The following PDCD6IP variants were observed in gnomAD, a reference collection of about 807,000 sequenced individuals.
The protein encoded by PDCD6IP is programmed cell death 6 interacting protein.
In PDCD6IP, 43 loss-of-function variants were observed where a neutral mutation model predicts 103.7. The observed-to-expected ratio is 0.41, with a 90% CI of 0.32 to 0.53. The LOEUF (loss-of-function observed/expected upper bound fraction) is 0.53, where lower values mean the gene tolerates loss of function less well. Ranked by LOEUF, PDCD6IP falls within the 20% of genes least tolerant of loss-of-function variation. PDCD6IP has a pLI of 0.16. For synonymous variants in PDCD6IP, 354 were observed against 378.7 expected, an observed-to-expected ratio of 0.93 and a Z score of 0.76; for missense variants, 871 against 1,036.7, an observed-to-expected ratio of 0.84 and a Z score of 2.20.
At chr3:33,799,091 G>C in intron 1 of PDCD6IP, 154 bp downstream of exon 1, 1 of 742,890 alleles carries the variant, frequency 1.3e-6, no homozygotes, top group South Asian at 1.9e-5. Context: ...TTCTTTGCTG[G>C]TGAGCAGGAC....
In PDCD6IP at chr3:33,813,267, G is replaced by T. The variant is rs1489181940; in HGVS notation, c.265-292G>T. 1.8e-5 allele frequency: 4 copies of T among 222,580 alleles called. No homozygotes were observed. In the East Asian group the frequency reaches 3.7e-4, roughly 21 times the overall value. 13.8% of individuals were successfully genotyped at this position (222,580 alleles called of 1,614,324 possible). On this transcript the variant is annotated intron_variant, in intron 2 of 17. Coordinates refer to ENST00000307296, the MANE Select transcript of PDCD6IP (RefSeq NM_013374.6). ...TGCTTCACTTAGCTTATTTGACAAG[G>T]ATCTACTACTTATTTTGTTCCGTTG...
At position 33,822,064 on chromosome 3, in the gene PDCD6IP, C is replaced by T. The variant is rs112654570; in HGVS notation, c.444C>T (p.Ile148=). ...QNLDNDEGLK[I]AAKHYQFASG... ...TGGATAATGATGAAGGATTGAAAAT[C>T]GCTGCTAAACATTACCAGGTATGCT... The change falls in exon 4 of 18, where the codon ATC becomes ATT. Residue 148 remains isoleucine (I), a synonymous_variant. Transcript: ENST00000307296. 533 of 1,613,982 alleles carry T rather than the reference C, an allele frequency of 3.3e-4. 4 individuals are homozygous for T. In the Admixed American group the frequency reaches 6.6e-3, roughly 20 times the overall value.
rs547723100 is a variant in PDCD6IP at position 33,867,607 on chromosome 3, A to G, written c.*1082A>G. ...AAACAATGGTTGGGAACATATGCCAATTATGGAATAGGCTATGTATTTAAT... is the reference window on the plus strand; with the variant it reads ...AAACAATGGTTGGGAACATATGCCAGTTATGGAATAGGCTATGTATTTAAT... On this transcript the variant is annotated 3_prime_UTR_variant, in exon 18 of 18. Coordinates refer to ENST00000307296, the MANE Select transcript of PDCD6IP (RefSeq NM_013374.6). 2.6e-5 allele frequency: 4 copies of G among 152,328 alleles called. No individual in the cohort carries two copies. Among genetic ancestry groups the G allele is most frequent in the Admixed American group, 6.5e-5 (1 of 15,306 alleles). The allele number at this position is 152,328 out of a possible 1,614,324, so 9.4% of individuals were successfully genotyped here.
intron 13 of PDCD6IP, 42 bp downstream of exon 13, chr3:33,852,778 A>C (rs771861358): frequency 6.5e-7 from 1 of 1,537,588 alleles, no homozygotes; most frequent in Non-Finnish European, 8.7e-7. Context: ...TTTAAAAATT[A>C]CAGAAAAGAT....
intron 12 of PDCD6IP, 127 bp downstream of exon 12, chr3:33,845,715 T>TA (rs1697578485): frequency 1.5e-6 from 1 of 668,740 alleles, no homozygotes; most frequent in African/African-American, 1.8e-5. Context: ...TTGGGGTTGT[T>TA]ATATTTAAAG....
intron 3 of PDCD6IP, among the ~76,000 whole-genome samples, chr3:33,814,144 C>CT (rs79094226): frequency 0.013 from 1,792 of 136,220 alleles, 31 homozygotes; most frequent in African/African-American, 0.041. Context: ...TCATTGGATT[C>CT]TTTTTTTTTT....
At position 33,857,106 on chromosome 3, in the gene PDCD6IP, G is replaced by A. The variant is rs565204211; in HGVS notation, c.2120+1846G>A. 3.4e-4 allele frequency among the ~76,000 whole-genome samples: 51 copies of A among 152,082 alleles called. No homozygotes were observed. The South Asian group carries it at 0.01, about 31-fold the overall frequency. On this transcript the variant is annotated intron_variant, in intron 15 of 17. Coordinates refer to ENST00000307296, the MANE Select transcript of PDCD6IP (RefSeq NM_013374.6). ...ACCTCTAACAAAGAGCAGGTTAGTT[G>A]TTTTTAGAATATTTCTACTAAACCT...
At chr3:33,829,852 G>A (rs1301467128) in intron 7 of PDCD6IP, among the ~76,000 whole-genome samples, 2 of 152,142 alleles carry the variant, frequency 1.3e-5, no homozygotes, top group East Asian at 3.8e-4. Flanking sequence ...GAATATCAAG[G>A]TGCTGGCATC....
At chr3:33,804,964 G>A (rs904163796) in intron 1 of PDCD6IP, among the ~76,000 whole-genome samples, 3 of 152,202 alleles carry the variant, frequency 2.0e-5, no homozygotes, top group African/African-American at 7.2e-5. Context: ...CCTAAATACA[G>A]ATTGCAGCTG....
At chr3:33,859,482 C>G (rs1697902957) in intron 15 of PDCD6IP, among the ~76,000 whole-genome samples, 1 of 140,562 alleles carries the variant, frequency 7.1e-6, no homozygotes, top group Non-Finnish European at 1.5e-5. Context: ...AAAAGAACTC[C>G]TAGAAGTGAA....
At chr3:33,804,237 G>A (rs1466257326) in intron 1 of PDCD6IP, among the ~76,000 whole-genome samples, 3 of 152,280 alleles carry the variant, frequency 2.0e-5, no homozygotes, top group Middle Eastern at 3.4e-3. Context: ...AGCACATCCC[G>A]CCTGCAGCTT....
At chr3:33,850,030 G>A (rs557319149) in intron 12 of PDCD6IP, among the ~76,000 whole-genome samples, 30 of 152,156 alleles carry the variant, frequency 2.0e-4, no homozygotes, top group Admixed American at 8.5e-4. Flanking sequence ...TACCATGGAA[G>A]TTGTGGTTAG....
Position 33,838,208 on chromosome 3 carries a change from G to T in PDCD6IP, c.1062G>T (p.Leu354=). 6.2e-7 allele frequency: 1 copy of T among 1,613,206 alleles called. No individual in the cohort carries two copies. Among genetic ancestry groups the T allele is most frequent in the Non-Finnish European group, 8.5e-7 (1 of 1,179,640 alleles). The part of the protein sequence containing the change: ...NVPISQKFTD[L]FEKMVPVSVQ... ...AATTTCTCTTCCTAATTTTAGATCTGTTTGAGAAGATGGTTCCCGTGTCAG... is the reference window on the plus strand; with the variant it reads ...AATTTCTCTTCCTAATTTTAGATCTTTTTGAGAAGATGGTTCCCGTGTCAG... Residue 354 remains leucine, a synonymous_variant, in exon 9 of 18, where the codon CTG becomes CTT. Transcript: ENST00000307296.
chr3:33,853,429 A>C (rs1195863559), intron 13 of PDCD6IP, among the ~76,000 whole-genome samples: 1 of 152,200 alleles, frequency 6.6e-6, no homozygotes, highest in Admixed American at 6.5e-5. Context: ...AAAATAATGC[A>C]AAGTAAATAT....
intron 3 of PDCD6IP, among the ~76,000 whole-genome samples, chr3:33,821,170 A>G (rs1184582329): frequency 6.9e-6 from 1 of 143,986 alleles, no homozygotes; most frequent in African/African-American, 2.6e-5. Flanking sequence ...TGGCTGTTTA[A>G]AAACAATTTT....
At chr3:33,859,727 T>C (rs1348079571) in intron 15 of PDCD6IP, among the ~76,000 whole-genome samples, 1 of 152,236 alleles carries the variant, frequency 6.6e-6, no homozygotes, top group African/African-American at 2.4e-5. Flanking sequence ...GCCGTGAGAA[T>C]ACCCAATGGT....
At chr3:33,859,037 G>A (rs765088634) in intron 15 of PDCD6IP, among the ~76,000 whole-genome samples, 1 of 152,028 alleles carries the variant, frequency 6.6e-6, no homozygotes. Flanking sequence ...AGATATTAAG[G>A]TATATAATAC....
intron 3 of PDCD6IP, among the ~76,000 whole-genome samples, chr3:33,817,958 T>G (rs1002685046): frequency 1.3e-5 from 2 of 152,016 alleles, no homozygotes; most frequent in Non-Finnish European, 2.9e-5. Context: ...AAAGCTCTTA[T>G]ACATGACAAA....
intron 12 of PDCD6IP, among the ~76,000 whole-genome samples, chr3:33,848,414 T>TC (rs1423053861): frequency 6.6e-6 from 1 of 151,046 alleles, no homozygotes; most frequent in Non-Finnish European, 1.5e-5. Flanking sequence ...TTCTTTCTTT[T>TC]TTTTTTTTGA....
Sources: gnomAD v4.1 joint callset for allele counts (sites outside exome capture counted in the v4.1 genomes callset) on GRCh38, gnomAD v4.1.1 for gene constraint, MANE v1.5 for transcripts, NCBI Gene and HGNC (gene_info 2026-07-23, HGNC 2026-07-21) for gene names.